Variants in ZNF207 observed in about 807,000 individuals in gnomAD.
ZNF207 encodes zinc finger protein 207, also known as BUB3-interacting and GLEBS motif-containing protein ZNF207.
Under a neutral mutation model 60.2 loss-of-function variants are expected in ZNF207, and 24 were observed. The ratio of observed to expected loss-of-function variants is 0.40; its 90% CI spans 0.29 to 0.56. The LOEUF (loss-of-function observed/expected upper bound fraction) is 0.56, where lower values mean the gene tolerates loss of function less well. Ranked by LOEUF, ZNF207 falls within the 20% of genes least tolerant of loss-of-function variation. ZNF207 has a pLI of 0.49. For synonymous variants in ZNF207, 236 were observed against 194.7 expected (o/e 1.21, Z -1.77); for missense variants, 452 against 636.6 (o/e 0.71, Z 3.12).
At position 32,380,678 on chromosome 17, in the gene ZNF207, T is replaced by A. The variant is rs906703609; in HGVS notation, c.*10919T>A. Reference sequence around the variant, plus strand: ...TTAACCCAATACTTGATTTGCAGTTTTTAAAGCAGTTTTTAAATTGAGAGA... The same window carrying A: ...TTAACCCAATACTTGATTTGCAGTTATTAAAGCAGTTTTTAAATTGAGAGA... On this transcript the variant is annotated 3_prime_UTR_variant, in exon 12 of 12. Coordinates refer to ENST00000394670, the MANE Select transcript of ZNF207 (RefSeq NM_001098507.2). 1.3e-5 allele frequency: 2 copies of A among 152,238 alleles called. No individual in the cohort carries two copies. The highest frequency in any genetic ancestry group is 2.9e-5 in the Non-Finnish European group (2 of 68,046). 9.4% of individuals were successfully genotyped at this position (152,238 alleles called of 1,614,324 possible).
chr17:32,362,890 T>G, intron 6 of ZNF207, 24 bp from the exon 7 acceptor site: 1 of 1,608,794 alleles, frequency 6.2e-7, no homozygotes, highest in Non-Finnish European at 8.5e-7. Flanking sequence ...AACTTACTGT[T>G]TCTTGAAATT....
chr17:32,378,430 G>A lies in ZNF207; in HGVS notation c.*8671G>A, dbSNP rs1440462330. ...AATGATAAATGGTGTACAGTCATAAGCTAGAATATGTTTTTATAATGCTTT... is the reference window on the plus strand; with the variant it reads ...AATGATAAATGGTGTACAGTCATAAACTAGAATATGTTTTTATAATGCTTT... On this transcript the variant is annotated 3_prime_UTR_variant, in exon 12 of 12. Coordinates refer to ENST00000394670, the MANE Select transcript of ZNF207 (RefSeq NM_001098507.2). 4.6e-5 allele frequency: 7 copies of A among 152,032 alleles called. No individual in the cohort carries two copies. The highest frequency in any genetic ancestry group is 1.7e-4 in the African/African-American group (7 of 41,444). The allele number at this position is 152,032 out of a possible 1,614,324, so 9.4% of individuals were successfully genotyped here. A position where few individuals can be genotyped will look rare whatever the true frequency, so the allele number is the denominator to read the frequency against.
intron 7 of ZNF207, among the ~76,000 whole-genome samples, chr17:32,364,347 A>G: frequency 6.8e-6 from 1 of 147,120 alleles, no homozygotes. Flanking sequence ...CGAGGCTATT[A>G]GTTGTTTTTT....
rs115759393 is a variant in ZNF207, at chr17:32,353,440, A to G, written c.168+1528A>G. Among the ~76,000 whole-genome samples, 698 of 152,172 alleles carry G rather than the reference A, an allele frequency of 4.6e-3. 5 individuals carry two copies. The highest frequency in any genetic ancestry group is 0.015 in the African/African-American group (642 of 41,492). ...TTTCTCCAGGTTTAAAGATAAATTT[A>G]TATAGATCCTTTTCACTCCAGATAC... On this transcript the variant is annotated intron_variant, in intron 2 of 11. Transcript: ENST00000394670.
chr17:32,366,743 C>A lies in ZNF207; in HGVS notation c.907C>A (p.Pro303Thr). 1 of 1,608,584 alleles carries A rather than the reference C, an allele frequency of 6.2e-7. No individual in the cohort carries two copies. The highest frequency in any genetic ancestry group is 8.5e-7 in the Non-Finnish European group (1 of 1,177,998). Residue 303 changes from proline (P) to threonine (T), a missense_variant, in exon 9 of 12, where the codon CCT becomes ACT. Physicochemically the swap from Pro to Thr is conservative, Grantham distance 38. Transcript: ENST00000394670. ...GTCTGCATCTTCTAAAGCTCTGTTT[C>A]CTAGCACAGCACAAGTACGCAGGAA... ...SLSASSKALFPSTAQAQAAVQ... is the reference protein window; with the variant it reads ...SLSASSKALFTSTAQAQAAVQ...
rs767641822 is a variant in ZNF207, at chr17:32,365,453, C to A, written c.794C>A (p.Pro265Gln). Residue 265 changes from proline (P) to glutamine (Q), a missense_variant, in exon 8 of 12, where the codon CCA (proline) becomes CAA (glutamine). Transcript: ENST00000394670. ...PTATVPAPQPPVTKPLFPSAG... is the reference protein window; with the variant it reads ...PTATVPAPQPQVTKPLFPSAG... ...GCAACTGTACCTGCCCCACAGCCTCCAGTTACTAAGCCTCTTTTCCCCAGT... is the reference window on the plus strand; with the variant it reads ...GCAACTGTACCTGCCCCACAGCCTCAAGTTACTAAGCCTCTTTTCCCCAGT... 49 of 1,614,052 alleles carry A rather than the reference C, an allele frequency of 3.0e-5. No homozygotes were observed. In the African/African-American group the frequency reaches 6.0e-4, roughly 20 times the overall value.
chr17:32,361,197 A>G (rs1010823585), intron 5 of ZNF207: 57 of 590,206 alleles, frequency 9.7e-5, no homozygotes, highest in East Asian at 5.1e-4. Flanking sequence ...ATCTACTTCA[A>G]TTGCATTTAC....
intron 3 of ZNF207, among the ~76,000 whole-genome samples, chr17:32,359,452 T>A (rs1030685043): frequency 1.3e-5 from 2 of 152,114 alleles, no homozygotes; most frequent in African/African-American, 4.8e-5. Context: ...TTCACCATGT[T>A]GGTCAGGCTG....
chr17:32,365,927 C>T (rs1040529422), intron 8 of ZNF207, among the ~76,000 whole-genome samples: 1 of 152,098 alleles, frequency 6.6e-6, no homozygotes, highest in East Asian at 1.9e-4. Context: ...CGCACTTGTG[C>T]TAAAATGGCG....
intron 3 of ZNF207, among the ~76,000 whole-genome samples, chr17:32,359,087 G>A (rs1012508517): frequency 6.6e-6 from 1 of 151,532 alleles, no homozygotes; most frequent in Non-Finnish European, 1.5e-5. Flanking sequence ...ACAGGCGCAA[G>A]CCACCACACC....
Position 32,373,572 on chromosome 17 carries a change from G to C in ZNF207, c.*3813G>C. The C allele has an allele frequency of 2.4e-6, 1 of 421,496 alleles. No individual in the cohort carries two copies. The allele number at this position is 421,496 out of a possible 1,614,324, so 26.1% of individuals were successfully genotyped here. A position where few individuals can be genotyped will look rare whatever the true frequency, so the allele number is the denominator to read the frequency against. On this transcript the variant is annotated 3_prime_UTR_variant, in exon 12 of 12. Transcript: ENST00000394670. ...GGCCCCTAAATTTAATTAAACTTAG[G>C]ATTTTTATACTCTTTTGGCAGAGAA...
intron 9 of ZNF207, among the ~76,000 whole-genome samples, chr17:32,367,265 A>ATGTATG (rs1567824946): frequency 4.9e-5 from 6 of 123,354 alleles, no homozygotes; most frequent in Non-Finnish European, 1.1e-4. Flanking sequence ...ATATATATAT[A>ATGTATG]TATATATATA....
chr17:32,366,058 A>G (rs573443633), intron 8 of ZNF207, among the ~76,000 whole-genome samples: 2 of 152,316 alleles, frequency 1.3e-5, no homozygotes, highest in East Asian at 1.9e-4. Flanking sequence ...TGGTATACAC[A>G]TGATGGTTAA....
rs754396025 is a variant in ZNF207 at position 32,361,515 on chromosome 17, T to C, written c.599T>C (p.Ile200Thr). 2 of 1,607,192 alleles carry C rather than the reference T, an allele frequency of 1.2e-6. No individual in the cohort carries two copies. Among genetic ancestry groups the C allele is most frequent in the Non-Finnish European group, 1.7e-6 (2 of 1,176,394 alleles). ...KYTQSFCGEN[I>T]MMPMGGMMPP... is the part of the protein sequence containing the mutation. Reference sequence around the variant, plus strand: ...ACCCAGTCATTTTGCGGTGAAAACATGTAAGCATCTCATTCATAATGTAAT... The same window carrying C: ...ACCCAGTCATTTTGCGGTGAAAACACGTAAGCATCTCATTCATAATGTAAT... Residue 200 changes from isoleucine to threonine, a missense_variant and splice_region_variant, in exon 6 of 12, where the codon ATA becomes ACA. By Grantham distance (89) the Ile-to-Thr change is moderately conservative. Transcript: ENST00000394670.
chr17:32,365,388 T>C lies in ZNF207; in HGVS notation c.729T>C (p.Val243=), dbSNP rs1302352825. The change falls in exon 8 of 12, where the codon GTT becomes GTC. Residue 243 remains valine, a synonymous_variant. Coordinates refer to ENST00000394670, the MANE Select transcript of ZNF207 (RefSeq NM_001098507.2). ...GIPPMTQAQA[V]SAPGILNRPP... is the part of the protein sequence containing the mutation. ...CTCCAATGACTCAAGCACAGGCTGT[T>C]TCAGCGCCAGGTATTCTTAATAGAC... is the stretch of plus-strand genomic sequence containing the variant. 6.2e-7 allele frequency: 1 copy of C among 1,614,164 alleles called. No homozygotes were observed. Among genetic ancestry groups the C allele is most frequent in the Admixed American group, 1.7e-5 (1 of 60,010 alleles).
Position 32,373,492 on chromosome 17 carries a change from C to T in ZNF207, c.*3733C>T. The T allele has an allele frequency of 1.8e-6, 1 of 547,226 alleles. No individual in the cohort carries two copies. The highest frequency in any genetic ancestry group is 1.9e-5 in the African/African-American group (1 of 52,706). 33.9% of individuals were successfully genotyped at this position (547,226 alleles called of 1,614,324 possible). A position where few individuals can be genotyped will look rare whatever the true frequency, so the allele number is the denominator to read the frequency against. Reference sequence around the variant, plus strand: ...ATTTTATTCCTTATAGGGGCTTTCACAGCTTTATGGCTGTTGGATATTTAT... The same window carrying T: ...ATTTTATTCCTTATAGGGGCTTTCATAGCTTTATGGCTGTTGGATATTTAT... On this transcript the variant is annotated 3_prime_UTR_variant, in exon 12 of 12. Coordinates refer to ENST00000394670, the MANE Select transcript of ZNF207 (RefSeq NM_001098507.2).
chr17:32,379,890 C>T lies in ZNF207; in HGVS notation c.*10131C>T, dbSNP rs1198873966. 6.6e-6 allele frequency: 1 copy of T among 152,096 alleles called. No homozygotes were observed. Among genetic ancestry groups the T allele is most frequent in the Non-Finnish European group, 1.5e-5 (1 of 67,990 alleles). 9.4% of individuals were successfully genotyped at this position (152,096 alleles called of 1,614,324 possible). On this transcript the variant is annotated 3_prime_UTR_variant, in exon 12 of 12. Coordinates refer to ENST00000394670, the MANE Select transcript of ZNF207 (RefSeq NM_001098507.2). ...ATGTAACACATGGATTATTTTTTCC[C>T]TCTAGTTTTTAACTATATCCTAGAT...
rs1905885860 is a variant in ZNF207 at position 32,381,456 on chromosome 17, G to A, written c.*11697G>A. On this transcript the variant is annotated 3_prime_UTR_variant, in exon 12 of 12. Transcript: ENST00000394670. Reference sequence around the variant, plus strand: ...GAATATTAGTGCATCTTGTCACTTTGATTTGTCACCTGGTTAAATAGCTGG... The same window carrying A: ...GAATATTAGTGCATCTTGTCACTTTAATTTGTCACCTGGTTAAATAGCTGG... 1 of 152,174 alleles carries A rather than the reference G, an allele frequency of 6.6e-6. No homozygotes were observed. Among genetic ancestry groups the A allele is most frequent in the South Asian group, 2.1e-4 (1 of 4,832 alleles). 9.4% of individuals were successfully genotyped at this position (152,174 alleles called of 1,614,324 possible).
In ZNF207 at chr17:32,375,570, T is replaced by C. The variant is rs934216602; in HGVS notation, c.*5811T>C. The C allele has an allele frequency of 6.6e-5, 10 of 152,140 alleles. No individual in the cohort carries two copies. The highest frequency in any genetic ancestry group is 2.4e-4 in the African/African-American group (10 of 41,448). The allele number at this position is 152,140 out of a possible 1,614,324, so 9.4% of individuals were successfully genotyped here. A position where few individuals can be genotyped will look rare whatever the true frequency, so the allele number is the denominator to read the frequency against. On this transcript the variant is annotated 3_prime_UTR_variant, in exon 12 of 12. Coordinates refer to ENST00000394670, the MANE Select transcript of ZNF207 (RefSeq NM_001098507.2). ...AAGATTTTGAGAATTATGTAGTTTT[T>C]AGGTGTCTGTAACATCCACTAGTAA...
Sources: gnomAD v4.1 joint callset for allele counts (sites outside exome capture counted in the v4.1 genomes callset) on GRCh38, gnomAD v4.1.1 for gene constraint, MANE v1.5 for transcripts, NCBI Gene and HGNC (gene_info 2026-07-23, HGNC 2026-07-21) for gene names.